Variants in PLA2R1 observed in about 807,000 individuals in gnomAD.
The protein encoded by PLA2R1 is phospholipase A2 receptor 1, also known as secretory phospholipase A2 receptor.
In PLA2R1, 158 loss-of-function variants were observed where a neutral mutation model predicts 195.9. That is an observed-to-expected ratio of 0.81 (90% CI 0.71 to 0.92). The LOEUF (loss-of-function observed/expected upper bound fraction) is 0.92, where lower values mean the gene tolerates loss of function less well. Ranked by LOEUF, PLA2R1 falls within the 40% of genes least tolerant of loss-of-function variation. The probability of loss-of-function intolerance (pLI) is 0.00; values close to 1 mark genes in which losing one functional copy is unlikely to be tolerated. For missense variants in PLA2R1, 1,626 were observed against 1,764.6 expected (o/e 0.92, Z 1.41); for synonymous variants, 586 against 598.2 (o/e 0.98, Z 0.30).
rs888635382 is a variant in PLA2R1 at position 159,936,711 on chromosome 2, T to C, written c.*5067A>G. The C allele has an allele frequency of 2.6e-5, 4 of 152,210 alleles. No individual in the cohort carries two copies. The highest frequency in any genetic ancestry group is 2.6e-4 in the Admixed American group (4 of 15,282). The allele number at this position is 152,210 out of a possible 1,614,324, so 9.4% of individuals were successfully genotyped here. ...AGTGCCACGTGTTTCTTCCTAAACC[T>C]GGGAACTTAACAGTTCTCTAGTGCC... On this transcript the variant is annotated 3_prime_UTR_variant, in exon 30 of 30. Coordinates refer to ENST00000283243, the MANE Select transcript of PLA2R1 (RefSeq NM_007366.5).
rs143369603 is a variant in PLA2R1 at position 159,951,764 on chromosome 2, G to A, written c.3302-186C>T. ...GATGCAAAAAAATGAGAACACTCAG[G>A]AAATTTAATGAATTGTTTTTCAAAA... On this transcript the variant is annotated intron_variant, in intron 23 of 29. Coordinates refer to ENST00000283243, the MANE Select transcript of PLA2R1 (RefSeq NM_007366.5). 6.6e-5 allele frequency among the ~76,000 whole-genome samples: 10 copies of A among 152,282 alleles called. No homozygotes were observed. The East Asian group carries it at 1.7e-3, about 26-fold the overall frequency.
chr2:159,949,803 T>G (rs1175403436), intron 24 of PLA2R1, 27 bp from the exon 25 acceptor site: 3 of 1,599,422 alleles, frequency 1.9e-6, no homozygotes, highest in Non-Finnish European at 2.6e-6. Flanking sequence ...AGCCATCATT[T>G]CCTTGCCACG....
intron 9 of PLA2R1, among the ~76,000 whole-genome samples, chr2:160,014,375 C>T (rs1692595180): frequency 6.6e-6 from 1 of 152,028 alleles, no homozygotes; most frequent in South Asian, 2.1e-4. Flanking sequence ...AAGGGTGGCT[C>T]TTCCTTTGAA....
chr2:160,060,688 G>C (rs1197748098), intron 1 of PLA2R1, among the ~76,000 whole-genome samples: 1 of 152,184 alleles, frequency 6.6e-6, no homozygotes, highest in Non-Finnish European at 1.5e-5. Context: ...ATGAGAATTT[G>C]TCTCAGGCCA....
At chr2:159,987,422 G>T in intron 11 of PLA2R1, 64 bp from the exon 12 acceptor site, 1 of 1,121,484 alleles carries the variant, frequency 8.9e-7, no homozygotes, top group Non-Finnish European at 1.3e-6. Flanking sequence ...TCAGAAGACT[G>T]CTCTTTAGAG....
chr2:159,984,977 C>T (rs967291548), intron 12 of PLA2R1, among the ~76,000 whole-genome samples: 33 of 152,170 alleles, frequency 2.2e-4, no homozygotes, highest in African/African-American at 7.7e-4. Flanking sequence ...CAAAACTTGC[C>T]TCCTCTGGGA....
At chr2:159,951,655 T>C (rs1461643981) in intron 23 of PLA2R1, 77 bp from the exon 24 acceptor site, 2 of 769,284 alleles carry the variant, frequency 2.6e-6, no homozygotes, top group Non-Finnish European at 4.6e-6. Context: ...GCATAGATCC[T>C]TGTCACTATG....
At chr2:159,994,789 GA>G (rs371193018) in intron 11 of PLA2R1, among the ~76,000 whole-genome samples, 11 of 150,392 alleles carry the variant, frequency 7.3e-5, no homozygotes, top group African/African-American at 1.7e-4. Flanking sequence ...ATACTAAGTT[GA>G]AAAAAAAATG....
chr2:159,997,845 C>T (rs1400846574), intron 11 of PLA2R1, among the ~76,000 whole-genome samples: 3 of 152,104 alleles, frequency 2.0e-5, no homozygotes, highest in Admixed American at 6.6e-5. Flanking sequence ...TTGTTCAGCT[C>T]TTTACTCATT....
chr2:159,991,653 C>T (rs1480070473), intron 11 of PLA2R1, among the ~76,000 whole-genome samples: 1 of 139,328 alleles, frequency 7.2e-6, no homozygotes, highest in Non-Finnish European at 1.5e-5. Context: ...GTGATGTTCC[C>T]CTTCCTGTGT....
downstream of PLA2R1, among the ~76,000 whole-genome samples, chr2:159,930,564 G>T (rs950625171): frequency 4.6e-5 from 7 of 152,222 alleles, no homozygotes; most frequent in South Asian, 2.1e-4. Flanking sequence ...ATCCTCCTAG[G>T]GGTCTAATAT....
At chr2:160,048,952 T>A (rs1287702892) in intron 1 of PLA2R1, among the ~76,000 whole-genome samples, 1 of 149,570 alleles carries the variant, frequency 6.7e-6, no homozygotes, top group Admixed American at 6.7e-5. Flanking sequence ...GCCATTCTCC[T>A]GCCTCAGCCT....
chr2:160,057,063 G>A (rs527262214), intron 1 of PLA2R1, among the ~76,000 whole-genome samples: 6 of 152,192 alleles, frequency 3.9e-5, no homozygotes, highest in African/African-American at 1.2e-4. Context: ...GAAGGCCTTC[G>A]ACTTGAGGGC....
rs888089436 is a variant in PLA2R1, at chr2:159,932,984, C to T, written c.*8794G>A. On this transcript the variant is annotated 3_prime_UTR_variant, in exon 30 of 30. Coordinates refer to ENST00000283243, the MANE Select transcript of PLA2R1 (RefSeq NM_007366.5). ...AGCACAGGAAACAAGTTGAAAATAGCATAGATCATGATGTCTTTTTTTTTT... is the reference window on the plus strand; with the variant it reads ...AGCACAGGAAACAAGTTGAAAATAGTATAGATCATGATGTCTTTTTTTTTT... The T allele has an allele frequency of 7.3e-6, 1 of 136,614 alleles. No individual in the cohort carries two copies. Among genetic ancestry groups the T allele is most frequent in the Non-Finnish European group, 1.6e-5 (1 of 63,460 alleles). The allele number at this position is 136,614 out of a possible 1,614,324, so 8.5% of individuals were successfully genotyped here.
chr2:159,944,382 C>T (rs1687258349), intron 28 of PLA2R1, among the ~76,000 whole-genome samples: 1 of 152,100 alleles, frequency 6.6e-6, no homozygotes. Flanking sequence ...CTAGAATTTT[C>T]TAGCTTAGAT....
Position 160,057,940 on chromosome 2 carries a change from G to A in PLA2R1, c.109+4355C>T, listed in dbSNP as rs748324331. ...GGAGTGACCTTAGTCAATAAGAGGCGGGAGTTGGTGGATAAATACTTCAGC... is the reference window on the plus strand; with the variant it reads ...GGAGTGACCTTAGTCAATAAGAGGCAGGAGTTGGTGGATAAATACTTCAGC... On this transcript the variant is annotated intron_variant, in intron 1 of 29. Coordinates refer to ENST00000283243, the MANE Select transcript of PLA2R1 (RefSeq NM_007366.5). 3.3e-5 allele frequency among the ~76,000 whole-genome samples: 5 copies of A among 152,236 alleles called. No homozygotes were observed. In the East Asian group the frequency reaches 5.8e-4, roughly 18 times the overall value.
chr2:160,009,816 T>A (rs1692236876), intron 10 of PLA2R1, among the ~76,000 whole-genome samples: 1 of 152,118 alleles, frequency 6.6e-6, no homozygotes. Flanking sequence ...ATAATGCACA[T>A]TTAAGCTTAG....
chr2:159,965,068 C>T (rs1351639931), intron 20 of PLA2R1, among the ~76,000 whole-genome samples: 1 of 152,126 alleles, frequency 6.6e-6, no homozygotes, highest in Non-Finnish European at 1.5e-5. Flanking sequence ...ACCTGATCCA[C>T]ACATACACAG....
At chr2:159,971,523 C>T (rs982421373) in intron 17 of PLA2R1, among the ~76,000 whole-genome samples, 1 of 151,972 alleles carries the variant, frequency 6.6e-6, no homozygotes, top group African/African-American at 2.4e-5. Context: ...GATGTACTGA[C>T]TTATGACCCA....
Sources: allele counts gnomAD v4.1 joint callset (sites outside exome capture counted in the v4.1 genomes callset), GRCh38; gene constraint gnomAD v4.1.1; transcripts MANE v1.5; gene names NCBI Gene and HGNC (gene_info 2026-07-23, HGNC 2026-07-21).